CDON: variants seen among roughly 807,000 people sequenced by gnomAD.
CDON encodes cell adhesion molecule-related/down-regulated by oncogenes.
CDON carries 73 observed loss-of-function variants against 120.9 expected under a neutral mutation model. That is an observed-to-expected ratio of 0.60 (90% CI 0.50 to 0.73). CDON has a LOEUF of 0.73. CDON is among the 30% of genes least tolerant of loss of function. The pLI, the probability that CDON is intolerant of heterozygous loss-of-function variation, is 0.00. For missense variants in CDON, 1,470 were observed against 1,587.3 expected (o/e 0.93, Z 1.26); for synonymous variants, 566 against 573.5 (o/e 0.99, Z 0.19).
At chr11:126,000,815 A>G (rs185160067) in intron 11 of CDON, among the ~76,000 whole-genome samples, 1 of 152,276 alleles carries the variant, frequency 6.6e-6, no homozygotes, top group African/African-American at 2.4e-5. Flanking sequence ...AAAACTGTAA[A>G]AATATGGAAG....
chr11:125,977,916 C>A (rs1007691048), intron 18 of CDON, among the ~76,000 whole-genome samples: 6 of 151,908 alleles, frequency 3.9e-5, no homozygotes, highest in Non-Finnish European at 8.8e-5. Context: ...AGGGTTCCCC[C>A]CTCCCCCCAA....
rs532639782 is a variant in CDON, at chr11:126,004,843, C to T, written c.1852-767G>A. Reference sequence around the variant, plus strand: ...ATGATTTTAAATATGGAATGCATCCCTCCCATTTCATTCATGTACTGGTCT... The same window carrying T: ...ATGATTTTAAATATGGAATGCATCCTTCCCATTTCATTCATGTACTGGTCT... On this transcript the variant is annotated intron_variant, in intron 9 of 19. Transcript: ENST00000531738. Among the ~76,000 whole-genome samples the T allele has an allele frequency of 1.1e-4, 17 of 152,274 alleles. No individual in the cohort carries two copies. The East Asian group carries it at 3.3e-3, about 29-fold the overall frequency.
At position 125,981,963 on chromosome 11, in the gene CDON, C is replaced by CTTTTTTTT. The variant is rs1565501813; in HGVS notation, c.2996-635_2996-634insAAAAAAAA. On this transcript the variant is annotated intron_variant, in intron 16 of 19. Transcript: ENST00000531738. ...GGAGTACCAAAGGCAAAAAGTGATTCTATTTTCTTTTTTTTTTTTTTTTTT... is the reference window on the plus strand; with the variant it reads ...GGAGTACCAAAGGCAAAAAGTGATTCTTTTTTTTTATTTTCTTTTTTTTTTTTTTTTTT... 1.6e-3 allele frequency among the ~76,000 whole-genome samples: 55 copies of CTTTTTTTT among 34,122 alleles called. 3 individuals carry two copies. The highest frequency in any genetic ancestry group is 4.6e-3 in the South Asian group (4 of 876). The allele number at this position is 34,122 out of a possible 152,430, so 22.4% of individuals were successfully genotyped here.
At chr11:125,965,901 G>A (rs754247420) in intron 18 of CDON, among the ~76,000 whole-genome samples, 8 of 152,192 alleles carry the variant, frequency 5.3e-5, no homozygotes, top group East Asian at 1.9e-4. Flanking sequence ...TTGGGAGGCC[G>A]AGGCAGACGG....
chr11:125,968,459 G>A (rs777135433), intron 18 of CDON, among the ~76,000 whole-genome samples: 21 of 152,102 alleles, frequency 1.4e-4, no homozygotes, highest in Non-Finnish European at 2.2e-4. Context: ...GAGGCGCAAG[G>A]GCCAACCACA....
At chr11:126,024,107 T>C (rs1258171001) in intron 1 of CDON, among the ~76,000 whole-genome samples, 1 of 152,216 alleles carries the variant, frequency 6.6e-6, no homozygotes, top group East Asian at 1.9e-4. Flanking sequence ...GGGATTGGGC[T>C]TGGCACTATT....
intron 14 of CDON, 95 bp downstream of exon 14, chr11:125,994,189 T>G: frequency 1.3e-6 from 1 of 755,328 alleles, no homozygotes; most frequent in East Asian, 2.6e-5. Context: ...CATTCCATTT[T>G]GTACTGTCTT....
chr11:125,969,826 C>A (rs1308694670), intron 18 of CDON, among the ~76,000 whole-genome samples: 1 of 151,854 alleles, frequency 6.6e-6, no homozygotes, highest in African/African-American at 2.4e-5. Context: ...ATAAAATATT[C>A]TTTAAGCAAC....
chr11:125,963,475 G>C (rs1222521617), intron 18 of CDON, among the ~76,000 whole-genome samples: 1 of 152,072 alleles, frequency 6.6e-6, no homozygotes, highest in Admixed American at 6.5e-5. Context: ...TTTAAACATG[G>C]GCTGATATGT....
intron 8 of CDON, among the ~76,000 whole-genome samples, chr11:126,006,608 G>A (rs1947138550): frequency 1.3e-5 from 2 of 152,202 alleles, no homozygotes; most frequent in South Asian, 2.1e-4. Flanking sequence ...GGTTGAGGCT[G>A]CAGTGAGCCA....
intron 15 of CDON, among the ~76,000 whole-genome samples, chr11:125,985,472 G>A (rs1159028175): frequency 6.6e-6 from 1 of 152,196 alleles, no homozygotes; most frequent in African/African-American, 2.4e-5. Flanking sequence ...AAGCCACCGT[G>A]CCTAGCTAGT....
chr11:125,997,431 T>C (rs1442281580), intron 11 of CDON, 21 bp from the exon 12 acceptor site: 1 of 1,533,982 alleles, frequency 6.5e-7, no homozygotes. Context: ...AAACGTTCAT[T>C]TCAATAACCC....
intron 1 of CDON, among the ~76,000 whole-genome samples, chr11:126,044,310 C>A (rs1281750400): frequency 1.3e-5 from 2 of 151,784 alleles, no homozygotes; most frequent in African/African-American, 4.8e-5. Context: ...GGCTGCCCTG[C>A]AAAATAATGG....
chr11:125,981,438 GCA>G (rs1946299405), intron 16 of CDON, 109 bp from the exon 17 acceptor site: 3 of 1,069,168 alleles, frequency 2.8e-6, no homozygotes, highest in Non-Finnish European at 4.0e-6. Context: ...ACGCACACAC[GCA>G]CACAGTAAGA....
intron 1 of CDON, among the ~76,000 whole-genome samples, chr11:126,038,574 C>T (rs1948166589): frequency 1.3e-5 from 2 of 151,920 alleles, no homozygotes; most frequent in African/African-American, 2.4e-5. Context: ...ATCGCTTGAA[C>T]CCAGGAGGCA....
intron 18 of CDON, among the ~76,000 whole-genome samples, chr11:125,968,837 A>G (rs1182506436): frequency 6.6e-6 from 1 of 152,236 alleles, no homozygotes; most frequent in African/African-American, 2.4e-5. Context: ...TAAATGATTC[A>G]GTTAAATTAC....
chr11:126,002,947 C>A (rs7104123), intron 10 of CDON, among the ~76,000 whole-genome samples: 5 of 151,818 alleles, frequency 3.3e-5, no homozygotes, highest in Admixed American at 2.6e-4. Context: ...TGGCACTTGC[C>A]ATCTCTGCTG....
intron 18 of CDON, among the ~76,000 whole-genome samples, chr11:125,968,996 CTATTAT>C (rs566049750): frequency 6.6e-6 from 1 of 151,946 alleles, no homozygotes; most frequent in African/African-American, 2.4e-5. Flanking sequence ...TATATGAAAA[CTATTAT>C]TATTATTATC....
At chr11:126,057,295 T>C (rs999118964) in intron 1 of CDON, among the ~76,000 whole-genome samples, 2 of 152,124 alleles carry the variant, frequency 1.3e-5, no homozygotes, top group African/African-American at 2.4e-5. Flanking sequence ...TATTATGAAT[T>C]TCAAACCGCA....
Sources: gnomAD v4.1 joint callset for allele counts (sites outside exome capture counted in the v4.1 genomes callset) on GRCh38, gnomAD v4.1.1 for gene constraint, MANE v1.5 for transcripts, NCBI Gene and HGNC (gene_info 2026-07-23, HGNC 2026-07-21) for gene names.